The following WDR19 variants were observed in gnomAD, a reference collection of about 807,000 sequenced individuals.
WDR19 encodes WD repeat domain 19, also known as WD repeat-containing protein 19.
WDR19 carries 121 observed loss-of-function variants against 180.0 expected under a neutral mutation model. The ratio of observed to expected loss-of-function variants is 0.67; its 90% CI spans 0.58 to 0.78. The LOEUF (loss-of-function observed/expected upper bound fraction) is 0.78, where lower values mean the gene tolerates loss of function less well. Among genes scored for constraint, WDR19 ranks in the 30% least tolerant of loss-of-function variants. WDR19 has a pLI of 0.00. For synonymous variants in WDR19, 497 were observed against 540.7 expected, an observed-to-expected ratio of 0.92 and a Z score of 1.12; for missense variants, 1,450 against 1,640.7, an observed-to-expected ratio of 0.88 and a Z score of 2.01.
chr4:39,189,511 A>G (rs986165199), intron 3 of WDR19, 145 bp from the exon 4 acceptor site: 1 of 753,922 alleles, frequency 1.3e-6, no homozygotes, highest in African/African-American at 1.8e-5. Context: ...TTACCCATGC[A>G]GTGAATAATG....
At chr4:39,278,350 T>C in intron 35 of WDR19, 143 bp downstream of exon 35, 1 of 893,792 alleles carries the variant, frequency 1.1e-6, no homozygotes, top group Non-Finnish European at 1.7e-6. Flanking sequence ...AAGAACCTCC[T>C]GTGACCTTTG....
chr4:39,190,458 C>T (rs1399260676), intron 4 of WDR19, among the ~76,000 whole-genome samples: 1 of 152,214 alleles, frequency 6.6e-6, no homozygotes, highest in East Asian at 1.9e-4. Flanking sequence ...CCAACTAAAA[C>T]TTTGCCATTT....
Position 39,185,475 on chromosome 4 carries a change from CA to C in WDR19, c.7-243del, listed in dbSNP as rs894243397. Among the ~76,000 whole-genome samples the C allele has an allele frequency of 3.6e-4, 55 of 151,574 alleles. 1 individual carries two copies. Among genetic ancestry groups the C allele is most frequent in the African/African-American group, 1.1e-3 (46 of 41,388 alleles). On this transcript the variant is annotated intron_variant, in intron 1 of 36. Coordinates refer to ENST00000399820, the MANE Select transcript of WDR19 (RefSeq NM_025132.4). ...TTAACATTCAGAAACATTAAAAAGC[CA>C]AAAAAAATTTAAAATAAAAGCCCTC...
intron 9 of WDR19, among the ~76,000 whole-genome samples, chr4:39,210,876 C>T (rs1728425665): frequency 6.6e-6 from 1 of 151,678 alleles, no homozygotes; most frequent in Non-Finnish European, 1.5e-5. Context: ...GTGGCTCACA[C>T]CTGTAATCCC....
chr4:39,272,845 A>G, intron 31 of WDR19, 135 bp from the exon 32 acceptor site: 2 of 678,022 alleles, frequency 2.9e-6, no homozygotes, highest in Non-Finnish European at 2.4e-6. Context: ...CTCTAATGGC[A>G]TCAGCCAGGA....
At chr4:39,273,176 G>A in intron 32 of WDR19, 115 bp downstream of exon 32, 2 of 758,138 alleles carry the variant, frequency 2.6e-6, no homozygotes, top group South Asian at 1.9e-5. Flanking sequence ...TCTCACAGCA[G>A]CTCCATGAAG....
intron 12 of WDR19, among the ~76,000 whole-genome samples, chr4:39,216,568 T>A (rs1184735347): frequency 6.6e-6 from 1 of 152,230 alleles, no homozygotes; most frequent in Non-Finnish European, 1.5e-5. Flanking sequence ...CTACTTTTAA[T>A]GGATCATGAG....
chr4:39,186,659 T>TA (rs998774850), intron 3 of WDR19, 55 bp downstream of exon 3: 7 of 1,201,486 alleles, frequency 5.8e-6, no homozygotes, highest in African/African-American at 3.1e-5. Context: ...CCTAAAAGAT[T>TA]AAAAAAATAC....
rs1730953458 is a variant in WDR19, at chr4:39,232,265, C to T, written c.2246C>T (p.Ala749Val). Residue 749 changes from alanine (A) to valine (V), a missense_variant, in exon 19 of 37, where the codon GCC becomes GTC. Coordinates refer to ENST00000399820, the MANE Select transcript of WDR19 (RefSeq NM_025132.4). Reference protein sequence around the residue: ...LYLASSCPIAALEMRRDLQHW... With the variant: ...LYLASSCPIAVLEMRRDLQHW... ...CTTGCATCCAGCTGTCCTATTGCTG[C>T]CCTGGAGGTATGGCAGCAAGTAAGA... The T allele has an allele frequency of 6.3e-7, 1 of 1,599,080 alleles. No individual in the cohort carries two copies. The highest frequency in any genetic ancestry group is 8.5e-7 in the Non-Finnish European group (1 of 1,173,430).
chr4:39,281,236 T>TATATATATATATAGAGAGAGAG (rs762298152), intron 36 of WDR19, among the ~76,000 whole-genome samples: 2 of 104,036 alleles, frequency 1.9e-5, no homozygotes, highest in African/African-American at 5.2e-5. Context: ...TATATATATA[T>TATATATATATATAGAGAGAGAG]AGAGAGAGAG....
At chr4:39,266,989 A>G (rs888693973) in intron 29 of WDR19, among the ~76,000 whole-genome samples, 3 of 152,248 alleles carry the variant, frequency 2.0e-5, no homozygotes, top group Non-Finnish European at 4.4e-5. Context: ...AGGCTGAGGC[A>G]GGAGAATTGC....
chr4:39,239,009 C>G (rs1731639803), intron 20 of WDR19, among the ~76,000 whole-genome samples: 1 of 152,156 alleles, frequency 6.6e-6, no homozygotes, highest in Non-Finnish European at 1.5e-5. Flanking sequence ...TGGAGTCTCA[C>G]TCTGTCACCC....
chr4:39,214,729 T>C, intron 10 of WDR19, 58 bp downstream of exon 10: 1 of 1,124,104 alleles, frequency 8.9e-7, no homozygotes, highest in Non-Finnish European at 1.3e-6. Flanking sequence ...GAGAGTAAGG[T>C]TGTGTTTGTT....
intron 5 of WDR19, among the ~76,000 whole-genome samples, chr4:39,196,106 CTT>C (rs1359926076): frequency 6.6e-6 from 1 of 152,044 alleles, no homozygotes; most frequent in Non-Finnish European, 1.5e-5. Flanking sequence ...ATTGTATAGT[CTT>C]TTCCCCTTCC....
intron 14 of WDR19, among the ~76,000 whole-genome samples, chr4:39,219,569 T>C (rs560426798): frequency 6.6e-6 from 1 of 152,362 alleles, no homozygotes; most frequent in East Asian, 1.9e-4. Context: ...GTTCTATTAC[T>C]TGCTAGCTGG....
rs1034570248 is a variant in WDR19 at position 39,285,403 on chromosome 4, T to G, written c.*14-84T>G. The G allele has an allele frequency of 3.1e-4, 47 of 152,352 alleles. 1 individual carries two copies. Among genetic ancestry groups the G allele is most frequent in the Admixed American group, 2.5e-3 (38 of 15,304 alleles). The allele number at this position is 152,352 out of a possible 1,614,324, so 9.4% of individuals were successfully genotyped here. A position where few individuals can be genotyped will look rare whatever the true frequency, so the allele number is the denominator to read the frequency against. ...CTAGAAACAGGCAAAAAAAAATTCT[T>G]TTTAGTATGTTTGGCTTTATTACTA... On this transcript the variant is annotated intron_variant, in intron 36 of 36. Transcript: ENST00000399820.
chr4:39,185,007 A>G (rs1725361874), intron 1 of WDR19, among the ~76,000 whole-genome samples: 1 of 152,230 alleles, frequency 6.6e-6, no homozygotes. Context: ...CATGTAATCA[A>G]TATAAAAATT....
intron 4 of WDR19, 120 bp from the exon 5 acceptor site, chr4:39,194,424 T>C: frequency 1.7e-6 from 1 of 584,680 alleles, no homozygotes. Context: ...AAGCATTAAG[T>C]TGTATTTTGT....
At chr4:39,227,358 T>C (rs575763937) in intron 15 of WDR19, among the ~76,000 whole-genome samples, 6 of 152,168 alleles carry the variant, frequency 3.9e-5, no homozygotes, top group Admixed American at 1.3e-4. Context: ...ATGGACTGAT[T>C]TTTGTAAACA....
Sources: gnomAD v4.1 joint callset for allele counts (sites outside exome capture counted in the v4.1 genomes callset) on GRCh38, gnomAD v4.1.1 for gene constraint, MANE v1.5 for transcripts, NCBI Gene and HGNC (gene_info 2026-07-23, HGNC 2026-07-21) for gene names.